The following PCDH15 variants were observed in gnomAD, a reference collection of about 807,000 sequenced individuals.
The protein encoded by PCDH15 is protocadherin-15.
PCDH15 carries 129 observed loss-of-function variants against 178.5 expected under a neutral mutation model. The observed-to-expected ratio is 0.72, with a 90% CI of 0.63 to 0.84. The LOEUF (loss-of-function observed/expected upper bound fraction) is 0.84. PCDH15 is among the 40% of genes least tolerant of loss of function. The pLI is 0.00. For synonymous variants in PCDH15, 800 were observed against 732.0 expected (o/e 1.09, Z -1.50); for missense variants, 2,230 against 2,099.9 (o/e 1.06, Z -1.21).
chr10:53,919,035 T>C (rs1316236446), intron 25 of PCDH15, among the ~76,000 whole-genome samples: 1 of 152,208 alleles, frequency 6.6e-6, no homozygotes, highest in Non-Finnish European at 1.5e-5. Context: ...AGTGGATTCT[T>C]CTGTTGCATC....
intron 25 of PCDH15, among the ~76,000 whole-genome samples, chr10:53,917,938 A>C (rs941144757): frequency 7.9e-5 from 12 of 152,082 alleles, no homozygotes; most frequent in African/African-American, 2.9e-4. Context: ...TGCTCTGGCC[A>C]TATAACGCAC....
intron 3 of PCDH15, among the ~76,000 whole-genome samples, chr10:54,864,951 T>C (rs984217896): frequency 6.6e-6 from 1 of 152,152 alleles, no homozygotes; most frequent in Non-Finnish European, 1.5e-5. Context: ...TAAAGAAGGA[T>C]GTGAATACCA....
At chr10:55,035,652 A>G (rs1245042114) in intron 2 of PCDH15, among the ~76,000 whole-genome samples, 1 of 152,210 alleles carries the variant, frequency 6.6e-6, no homozygotes, top group Non-Finnish European at 1.5e-5. Flanking sequence ...GATACTTAGA[A>G]AAGGAGGATG....
intron 2 of PCDH15, among the ~76,000 whole-genome samples, chr10:55,565,468 C>G (rs1842282898): frequency 6.6e-6 from 1 of 151,192 alleles, no homozygotes; most frequent in Admixed American, 6.6e-5. Flanking sequence ...ACCAGAAAAA[C>G]AAACTGAAGG....
At chr10:54,064,781 A>G (rs1261584991) in intron 18 of PCDH15, among the ~76,000 whole-genome samples, 5 of 152,136 alleles carry the variant, frequency 3.3e-5, no homozygotes, top group Non-Finnish European at 7.4e-5. Flanking sequence ...GGAAGAGGTC[A>G]GGCAGGGGGA....
intron 1 of PCDH15, among the ~76,000 whole-genome samples, chr10:54,747,027 G>A (rs1945553930): frequency 1.3e-5 from 2 of 152,196 alleles, no homozygotes. Flanking sequence ...AGAAACATCT[G>A]TGATTCATAG....
At chr10:53,923,487 A>C (rs896643082) in intron 25 of PCDH15, among the ~76,000 whole-genome samples, 1 of 152,242 alleles carries the variant, frequency 6.6e-6, no homozygotes, top group Non-Finnish European at 1.5e-5. Context: ...CATTGAAGCA[A>C]TGTGTACATT....
intron 3 of PCDH15, among the ~76,000 whole-genome samples, chr10:54,387,740 C>A (rs1176430613): frequency 6.6e-6 from 1 of 152,154 alleles, no homozygotes; most frequent in Non-Finnish European, 1.5e-5. Context: ...GCTATATAAA[C>A]CCCTAGTTTT....
intron 17 of PCDH15, among the ~76,000 whole-genome samples, chr10:54,069,875 C>T (rs780733343): frequency 6.6e-6 from 1 of 152,048 alleles, no homozygotes; most frequent in Non-Finnish European, 1.5e-5. Context: ...GACCATATGT[C>T]ATTAACACAT....
chr10:54,159,971 C>T (rs996838423), intron 13 of PCDH15, among the ~76,000 whole-genome samples: 6 of 152,078 alleles, frequency 3.9e-5, no homozygotes, highest in Admixed American at 1.3e-4. Context: ...AAGATGAGAA[C>T]TTTCACATTT....
intron 15 of PCDH15, among the ~76,000 whole-genome samples, chr10:54,118,792 A>G (rs79334618): frequency 3.3e-5 from 5 of 151,196 alleles, no homozygotes; most frequent in Admixed American, 3.3e-4. Context: ...TTTTTTGTCA[A>G]AATGATGAAT....
chr10:54,159,088 G>A (rs946149427), intron 13 of PCDH15, among the ~76,000 whole-genome samples: 4 of 144,610 alleles, frequency 2.8e-5, no homozygotes, highest in Admixed American at 6.9e-5. Flanking sequence ...CAGCCTGGGT[G>A]ACAGAGTGAG....
At chr10:55,545,653 C>T (rs1460760527) in intron 2 of PCDH15, among the ~76,000 whole-genome samples, 5 of 152,074 alleles carry the variant, frequency 3.3e-5, no homozygotes, top group African/African-American at 9.7e-5. Context: ...TCAGGTGATC[C>T]GCCCGCCTCA....
At chr10:54,646,595 A>C (rs531675161) in intron 2 of PCDH15, among the ~76,000 whole-genome samples, 1 of 152,150 alleles carries the variant, frequency 6.6e-6, no homozygotes, top group Non-Finnish European at 1.5e-5. Context: ...TTAAAATACA[A>C]TGATTAAGAG....
intron 2 of PCDH15, among the ~76,000 whole-genome samples, chr10:55,343,322 C>A (rs1301208837): frequency 1.3e-5 from 2 of 152,008 alleles, no homozygotes; most frequent in African/African-American, 4.8e-5. Context: ...AAAACAAAAA[C>A]CAACTTTTAT....
intron 8 of PCDH15, among the ~76,000 whole-genome samples, chr10:54,250,028 C>T (rs1464799115): frequency 6.6e-6 from 1 of 151,560 alleles, no homozygotes; most frequent in Non-Finnish European, 1.5e-5. Flanking sequence ...CCTCCCACTT[C>T]AGCACCAGAG....
At chr10:54,526,069 T>A (rs2083333900) in intron 3 of PCDH15, among the ~76,000 whole-genome samples, 1 of 152,192 alleles carries the variant, frequency 6.6e-6, no homozygotes, top group Admixed American at 6.5e-5. Context: ...CTATATCATG[T>A]CATTTTCTTC....
chr10:54,352,330 C>T (rs1226996608), intron 5 of PCDH15, among the ~76,000 whole-genome samples: 1 of 152,124 alleles, frequency 6.6e-6, no homozygotes, highest in Non-Finnish European at 1.5e-5. Flanking sequence ...AATAATACCT[C>T]TTCAACTGGA....
At chr10:54,587,603 A>G (rs1368749781) in intron 2 of PCDH15, among the ~76,000 whole-genome samples, 2 of 152,208 alleles carry the variant, frequency 1.3e-5, no homozygotes, top group East Asian at 1.9e-4. Flanking sequence ...ATCAAAGCAT[A>G]AAGTGATGAA....
Sources: allele counts gnomAD v4.1 joint callset (sites outside exome capture counted in the v4.1 genomes callset), GRCh38; gene constraint gnomAD v4.1.1; transcripts MANE v1.5; gene names NCBI Gene and HGNC (gene_info 2026-07-23, HGNC 2026-07-21).